The following USP13 variants were observed in gnomAD, a reference collection of about 807,000 sequenced individuals.
USP13 encodes ubiquitin carboxyl-terminal hydrolase 13.
Under a neutral mutation model 107.8 loss-of-function variants are expected in USP13, and 68 were observed. That is an observed-to-expected ratio of 0.63 (90% CI 0.52 to 0.77). The LOEUF (loss-of-function observed/expected upper bound fraction) is 0.77, where lower values mean the gene tolerates loss of function less well. Ranked by LOEUF, USP13 falls within the 30% of genes least tolerant of loss-of-function variation. The probability of loss-of-function intolerance (pLI) is 0.00; values close to 1 mark genes in which losing one functional copy is unlikely to be tolerated. For synonymous variants in USP13, 377 were observed against 389.5 expected, an observed-to-expected ratio of 0.97 and a Z score of 0.38; for missense variants, 945 against 1,093.3, an observed-to-expected ratio of 0.86 and a Z score of 1.91.
rs1439250761 is a variant in USP13, at chr3:179,764,139, A to G, written c.2230A>G (p.Asn744Asp). ...AIITSMGFQR[N>D]QAIQALRATN... ...CATCACCTCCATGGGATTTCAGCGA[A>G]ATCAGGCTATTCAGGCACTACGAGC... Residue 744 changes from asparagine (N) to aspartate (D), a missense_variant, in exon 18 of 21, where the codon AAT (asparagine) becomes GAT (aspartate). Transcript: ENST00000263966. The G allele has an allele frequency of 9.9e-6, 16 of 1,613,302 alleles. No homozygotes were observed. The highest frequency in any genetic ancestry group is 1.4e-5 in the Non-Finnish European group (16 of 1,179,868).
chr3:179,744,057 C>T (rs1357699670), intron 12 of USP13, among the ~76,000 whole-genome samples: 1 of 151,246 alleles, frequency 6.6e-6, no homozygotes, highest in Non-Finnish European at 1.5e-5. Context: ...CCTCTTTTTC[C>T]CTTAGTATTT....
chr3:179,759,027 G>T (rs1467368884), intron 16 of USP13, among the ~76,000 whole-genome samples: 1 of 151,744 alleles, frequency 6.6e-6, no homozygotes, highest in Non-Finnish European at 1.5e-5. Context: ...TGTCACCCAG[G>T]CTGGAGTACA....
In USP13 at chr3:179,690,288, C is replaced by T. The variant is rs1213595252; in HGVS notation, c.342C>T (p.Ser114=). Residue 114 remains serine, a synonymous_variant, in exon 3 of 21, where the codon TCC becomes TCT. Coordinates refer to ENST00000263966, the MANE Select transcript of USP13 (RefSeq NM_003940.3). ...GAGCGTTACCAAAAAGGAGGAATTCCAAGATTTTTTTAGGTAAATAGTTAT... is the reference window on the plus strand; with the variant it reads ...GAGCGTTACCAAAAAGGAGGAATTCTAAGATTTTTTTAGGTAAATAGTTAT... ...SGGALPKRRN[S]KIFLDLDTDD... is the part of the protein sequence containing the mutation. 1 of 1,613,756 alleles carries T rather than the reference C, an allele frequency of 6.2e-7. No individual in the cohort carries two copies. Among genetic ancestry groups the T allele is most frequent in the South Asian group, 1.1e-5 (1 of 91,020 alleles).
chr3:179,681,825 C>T, intron 1 of USP13, 53 bp from the exon 2 acceptor site: 1 of 1,572,454 alleles, frequency 6.4e-7, no homozygotes, highest in South Asian at 1.2e-5. Flanking sequence ...CTTTCTACAT[C>T]TGACTACTGG....
intron 10 of USP13, among the ~76,000 whole-genome samples, chr3:179,731,221 G>A (rs1713793320): frequency 1.3e-5 from 2 of 152,146 alleles, no homozygotes; most frequent in Admixed American, 1.3e-4. Flanking sequence ...GACCAGCCTG[G>A]CCAACATGGT....
At chr3:179,691,884 C>G (rs78164867) in intron 3 of USP13, among the ~76,000 whole-genome samples, 2 of 151,972 alleles carry the variant, frequency 1.3e-5, no homozygotes, top group South Asian at 4.2e-4. Context: ...TTTTCTCAAG[C>G]GAAAAAGTGG....
chr3:179,754,010 A>G (rs903423504), intron 14 of USP13, among the ~76,000 whole-genome samples: 1 of 152,332 alleles, frequency 6.6e-6, no homozygotes, highest in African/African-American at 2.4e-5. Flanking sequence ...CTTAGTTAGA[A>G]TATCCACAGT....
intron 10 of USP13, among the ~76,000 whole-genome samples, chr3:179,731,994 G>A (rs1560066882): frequency 6.6e-6 from 1 of 152,198 alleles, no homozygotes; most frequent in Admixed American, 6.5e-5. Flanking sequence ...GCAAGCAAGA[G>A]AAGGGAGATT....
At chr3:179,761,008 T>G (rs1439954958) in intron 16 of USP13, 104 bp from the exon 17 acceptor site, 1 of 1,392,824 alleles carries the variant, frequency 7.2e-7, no homozygotes. Context: ...CCCAACAGAA[T>G]AGCACTTTCT....
intron 10 of USP13, among the ~76,000 whole-genome samples, chr3:179,734,787 A>G (rs549476988): frequency 6.6e-6 from 1 of 152,306 alleles, no homozygotes; most frequent in Non-Finnish European, 1.5e-5. Flanking sequence ...GACTTCATAC[A>G]CTTTTGTTTT....
intron 1 of USP13, among the ~76,000 whole-genome samples, chr3:179,674,103 G>A (rs888629149): frequency 6.6e-6 from 1 of 152,022 alleles, no homozygotes; most frequent in Non-Finnish European, 1.5e-5. Context: ...ATGTTGGCCA[G>A]GCTGGTCTCG....
chr3:179,731,546 A>C (rs1426221613), intron 10 of USP13, among the ~76,000 whole-genome samples: 1 of 152,120 alleles, frequency 6.6e-6, no homozygotes, highest in East Asian at 1.9e-4. Context: ...AAGTAGGAGA[A>C]ACTCCGTGGG....
chr3:179,724,610 T>G (rs1713449179), intron 8 of USP13, among the ~76,000 whole-genome samples: 1 of 152,188 alleles, frequency 6.6e-6, no homozygotes, highest in East Asian at 1.9e-4. Context: ...CTGTCTGCCA[T>G]TTGAACCTAG....
chr3:179,653,731 C>G lies in USP13; in HGVS notation c.168+338C>G. On this transcript the variant is annotated intron_variant, in intron 1 of 20. Transcript: ENST00000263966. This position sits in a 1 kb window ranked among gnomAD's most constrained non-coding sequence, Gnocchi z 4.0. ...CGTTGCAGATCGTTTGCGTCCTCCGCGGGGCAGAGCGCAGGGCGGGTAGGT... is the reference window on the plus strand; with the variant it reads ...CGTTGCAGATCGTTTGCGTCCTCCGGGGGGCAGAGCGCAGGGCGGGTAGGT... The G allele has an allele frequency of 4.5e-6, 1 of 222,274 alleles. No individual in the cohort carries two copies. Among genetic ancestry groups the G allele is most frequent in the Non-Finnish European group, 8.9e-6 (1 of 111,742 alleles). 13.8% of individuals were successfully genotyped at this position (222,274 alleles called of 1,614,324 possible). A position where few individuals can be genotyped will look rare whatever the true frequency, so the allele number is the denominator to read the frequency against.
chr3:179,722,235 C>T (rs73172293), intron 8 of USP13, among the ~76,000 whole-genome samples: 37,695 of 151,824 alleles, frequency 0.25, 5,178 homozygotes, highest in African/African-American at 0.35. Context: ...AGGAGAGATC[C>T]GGTGGTAGGT....
At chr3:179,697,755 A>G (rs1180998357) in intron 3 of USP13, among the ~76,000 whole-genome samples, 3 of 152,154 alleles carry the variant, frequency 2.0e-5, no homozygotes, top group African/African-American at 7.2e-5. Context: ...ATATGTGTTC[A>G]AGAGGAACCT....
chr3:179,691,714 AT>A (rs1712123963), intron 3 of USP13, among the ~76,000 whole-genome samples: 1 of 152,176 alleles, frequency 6.6e-6, no homozygotes, highest in African/African-American at 2.4e-5. Flanking sequence ...TTGCTCACTA[AT>A]TTTAGCATCA....
chr3:179,775,324 C>T (rs914990778), intron 19 of USP13, among the ~76,000 whole-genome samples: 3 of 151,988 alleles, frequency 2.0e-5, no homozygotes, highest in Admixed American at 6.5e-5. Context: ...ATTAGCTAGA[C>T]ACAGAGTACT....
At chr3:179,716,381 T>A (rs979367062) in intron 6 of USP13, among the ~76,000 whole-genome samples, 1 of 152,234 alleles carries the variant, frequency 6.6e-6, no homozygotes, top group African/African-American at 2.4e-5. Context: ...CATGAGACCC[T>A]TCACACCAAA....
Sources: allele counts gnomAD v4.1 joint callset (sites outside exome capture counted in the v4.1 genomes callset), GRCh38; gene constraint gnomAD v4.1.1; non-coding constraint Gnocchi (gnomAD v3.1); transcripts MANE v1.5; gene names NCBI Gene and HGNC (gene_info 2026-07-23, HGNC 2026-07-21).